Variants in TMEM266 observed in about 807,000 individuals in gnomAD.
TMEM266 encodes the protein Hv1 related protein 1.
A neutral mutation model predicts 50.5 loss-of-function variants in TMEM266; 33 were observed. That is an observed-to-expected ratio of 0.65 (90% CI 0.50 to 0.87). The LOEUF (loss-of-function observed/expected upper bound fraction) is 0.87, where lower values mean the gene tolerates loss of function less well. TMEM266 is among the 40% of genes least tolerant of loss of function. The pLI, the probability that TMEM266 is intolerant of heterozygous loss-of-function variation, is 0.00. For synonymous variants in TMEM266, 310 were observed against 292.3 expected (o/e 1.06, Z -0.62); for missense variants, 655 against 695.1 (o/e 0.94, Z 0.65).
intron 1 of TMEM266, among the ~76,000 whole-genome samples, chr15:76,083,987 G>A (rs887099482): frequency 6.6e-6 from 1 of 152,110 alleles, no homozygotes; most frequent in Non-Finnish European, 1.5e-5. Context: ...ACTTGGGGTG[G>A]GGGGTGATGT....
rs140786179 is a variant in TMEM266, at chr15:76,064,832, G to A, written c.-97+4816G>A. 2.6e-5 allele frequency among the ~76,000 whole-genome samples: 4 copies of A among 152,340 alleles called. No homozygotes were observed. The East Asian group carries it at 7.7e-4, about 29-fold the overall frequency. On this transcript the variant is annotated intron_variant, in intron 1 of 10. Coordinates refer to ENST00000388942, the MANE Select transcript of TMEM266 (RefSeq NM_152335.3). The stretch of plus-strand genomic sequence containing the variant: ...GTTCTCTAGATTTCACTGTCAAGCC[G>A]TAATGCATGCAATGCTTCAGCTTCT...
chr15:76,169,139 G>T lies in TMEM266; in HGVS notation c.457-677G>T, dbSNP rs116936895. On this transcript the variant is annotated intron_variant, in intron 5 of 10. Transcript: ENST00000388942. ...ACCCAATTCTGGGCCTTGGGAAGAC[G>T]GAAGGAGGAAGAGGAGCCTAATTCA... Among the ~76,000 whole-genome samples the T allele has an allele frequency of 5.6e-4, 86 of 152,262 alleles. No individual in the cohort carries two copies. The East Asian group carries it at 0.015, about 27-fold the overall frequency.
At chr15:76,071,226 A>T (rs2036534540) in intron 1 of TMEM266, among the ~76,000 whole-genome samples, 1 of 152,184 alleles carries the variant, frequency 6.6e-6, no homozygotes, top group South Asian at 2.1e-4. Context: ...TGCAGACAAC[A>T]TTCAGGATTC....
At chr15:76,184,058 C>T (rs2038459572) in intron 8 of TMEM266, among the ~76,000 whole-genome samples, 2 of 152,206 alleles carry the variant, frequency 1.3e-5, no homozygotes, top group Non-Finnish European at 2.9e-5. Context: ...GCTGGGCTAG[C>T]AGCTCAGAAA....
At chr15:76,136,470 G>C (rs1435543405) in intron 2 of TMEM266, among the ~76,000 whole-genome samples, 1 of 152,186 alleles carries the variant, frequency 6.6e-6, no homozygotes, top group East Asian at 1.9e-4. Flanking sequence ...CCCTGCAGAA[G>C]TTGGCATTCA....
chr15:76,137,976 C>T, intron 3 of TMEM266, 81 bp downstream of exon 3: 1 of 1,390,274 alleles, frequency 7.2e-7, no homozygotes, highest in Non-Finnish European at 9.7e-7. Context: ...AATCCCAGCA[C>T]TTTGGGAGGC....
At chr15:76,177,967 G>A (rs2038319887) in intron 8 of TMEM266, among the ~76,000 whole-genome samples, 1 of 152,232 alleles carries the variant, frequency 6.6e-6, no homozygotes, top group South Asian at 2.1e-4. Context: ...GAGCTGATGT[G>A]GAGCAGAGCC....
chr15:76,104,003 C>G (rs564238016), intron 1 of TMEM266, among the ~76,000 whole-genome samples: 2 of 150,452 alleles, frequency 1.3e-5, no homozygotes, highest in Non-Finnish European at 3.0e-5. Context: ...GTCAGGAGAT[C>G]GAGACCATCC....
chr15:76,155,458 C>T (rs1210899845), intron 3 of TMEM266, among the ~76,000 whole-genome samples: 1 of 152,116 alleles, frequency 6.6e-6, no homozygotes, highest in Non-Finnish European at 1.5e-5. Flanking sequence ...CTGCTGTCCT[C>T]GGAGGCCTGA....
At chr15:76,099,862 GT>G (rs1362187502) in intron 1 of TMEM266, among the ~76,000 whole-genome samples, 2 of 152,190 alleles carry the variant, frequency 1.3e-5, no homozygotes, top group African/African-American at 4.8e-5. Context: ...TACAATCATG[GT>G]GGAAGGCAAA....
intron 1 of TMEM266, among the ~76,000 whole-genome samples, chr15:76,066,926 T>C (rs1324017873): frequency 6.6e-6 from 1 of 152,090 alleles, no homozygotes; most frequent in African/African-American, 2.4e-5. Context: ...TTGTAGGATA[T>C]TTAGCAGCAT....
At chr15:76,106,614 A>G (rs1228222020) in intron 1 of TMEM266, among the ~76,000 whole-genome samples, 1 of 151,722 alleles carries the variant, frequency 6.6e-6, no homozygotes, top group Non-Finnish European at 1.5e-5. Flanking sequence ...TAATTATTTT[A>G]TTTTTTATTT....
chr15:76,102,160 C>T (rs1199818089), intron 1 of TMEM266, among the ~76,000 whole-genome samples: 1 of 152,210 alleles, frequency 6.6e-6, no homozygotes, highest in East Asian at 1.9e-4. Context: ...TCTCTACCTT[C>T]TTATACTCTT....
At chr15:76,121,288 GTAT>G (rs140588228) in intron 1 of TMEM266, among the ~76,000 whole-genome samples, 3,809 of 152,172 alleles carry the variant, frequency 0.025, 164 homozygotes, top group African/African-American at 0.087. Flanking sequence ...GATGTAAAAT[GTAT>G]TATTTTATGT....
rs377674606 is a variant in TMEM266, at chr15:76,203,814, C to T, written c.1095C>T (p.Ser365=). The stretch of plus-strand genomic sequence containing the variant: ...TAGACATTCACCAGCCCAACATCTC[C>T]TCGGACCTCTTCTCTCTGGACATGC... Residue 365 remains serine (S), a synonymous_variant, in exon 11 of 11, where the codon TCC becomes TCT. Transcript: ENST00000388942. 1 of 1,614,116 alleles carries T rather than the reference C, an allele frequency of 6.2e-7. No homozygotes were observed. Among genetic ancestry groups the T allele is most frequent in the Non-Finnish European group, 8.5e-7 (1 of 1,180,048 alleles).
chr15:76,203,703 A>T (rs774328408), intron 10 of TMEM266, 38 bp from the exon 11 acceptor site: 1 of 1,576,860 alleles, frequency 6.3e-7, no homozygotes, highest in East Asian at 2.2e-5. Flanking sequence ...GGTGTGGCAG[A>T]GGTTGAAGTG....
At chr15:76,146,696 A>G (rs948197329) in intron 3 of TMEM266, among the ~76,000 whole-genome samples, 7 of 152,224 alleles carry the variant, frequency 4.6e-5, no homozygotes, top group Non-Finnish European at 1.0e-4. Context: ...GGGACAAAGA[A>G]AAAGGAGGGG....
chr15:76,067,833 A>G (rs541269134), intron 1 of TMEM266, among the ~76,000 whole-genome samples: 40 of 152,148 alleles, frequency 2.6e-4, no homozygotes, highest in South Asian at 1.0e-3. Flanking sequence ...GACAATAAGT[A>G]TATCAAACCA....
intron 8 of TMEM266, among the ~76,000 whole-genome samples, chr15:76,179,044 G>C (rs576608400): frequency 6.6e-6 from 1 of 152,296 alleles, no homozygotes; most frequent in African/African-American, 2.4e-5. Context: ...CTGGGTAACA[G>C]ATACCCTGGA....
Sources: gnomAD v4.1 joint callset for allele counts (sites outside exome capture counted in the v4.1 genomes callset) on GRCh38, gnomAD v4.1.1 for gene constraint, MANE v1.5 for transcripts, NCBI Gene and HGNC (gene_info 2026-07-23, HGNC 2026-07-21) for gene names.